Variants in SORCS3 observed in about 807,000 individuals in gnomAD.
SORCS3 encodes sortilin related VPS10 domain containing receptor 3.
SORCS3 carries 57 observed loss-of-function variants against 146.3 expected under a neutral mutation model. That is an observed-to-expected ratio of 0.39 (90% CI 0.31 to 0.49). The LOEUF is 0.49. Ranked by LOEUF, SORCS3 falls within the 20% of genes least tolerant of loss-of-function variation. SORCS3 has a pLI of 0.92. For missense variants in SORCS3, 1,341 were observed against 1,575.5 expected (o/e 0.85, Z 2.52); for synonymous variants, 653 against 618.5 (o/e 1.06, Z -0.83).
Position 105,252,858 on chromosome 10 carries a change from C to A in SORCS3, c.3189C>A (p.Pro1063=). ...CAGCAGAGCTTTTCATTCTTCCACC[C>A]AAGAACCTGACAGAGAGGAGGAAAG... ...PTSAELFILP[P]KNLTERRKGN... The change falls in exon 23 of 27, where the codon CCC becomes CCA. Residue 1063 remains proline, a synonymous_variant. Coordinates refer to ENST00000369701, the MANE Select transcript of SORCS3 (RefSeq NM_014978.3). 1 of 1,613,996 alleles carries A rather than the reference C, an allele frequency of 6.2e-7. No individual in the cohort carries two copies. The highest frequency in any genetic ancestry group is 8.5e-7 in the Non-Finnish European group (1 of 1,179,960).
At chr10:105,248,013 C>T (rs142061994) in intron 22 of SORCS3, among the ~76,000 whole-genome samples, 7 of 152,150 alleles carry the variant, frequency 4.6e-5, no homozygotes, top group East Asian at 1.9e-4. Flanking sequence ...ACAAGACTAC[C>T]GTTGGCCACA....
At chr10:104,906,295 T>C (rs2018904737) in intron 2 of SORCS3, among the ~76,000 whole-genome samples, 1 of 152,218 alleles carries the variant, frequency 6.6e-6, no homozygotes, top group Non-Finnish European at 1.5e-5. Context: ...GTTGGCCACC[T>C]GCTGGAGGCT....
chr10:104,995,465 G>A (rs2055021363), intron 4 of SORCS3, among the ~76,000 whole-genome samples: 1 of 152,068 alleles, frequency 6.6e-6, no homozygotes, highest in Non-Finnish European at 1.5e-5. Flanking sequence ...GCTAATTTTA[G>A]CTTTTCTAGT....
chr10:105,238,569 T>C (rs186828848), intron 20 of SORCS3, among the ~76,000 whole-genome samples: 2 of 152,250 alleles, frequency 1.3e-5, no homozygotes, highest in African/African-American at 2.4e-5. Context: ...AAGGATTCAT[T>C]TGGGCAGAAG....
chr10:105,243,436 A>G (rs967199548), intron 20 of SORCS3, among the ~76,000 whole-genome samples: 9 of 152,180 alleles, frequency 5.9e-5, no homozygotes, highest in African/African-American at 2.2e-4. Flanking sequence ...CCCTTATTCC[A>G]TGGCCCTGAG....
intron 3 of SORCS3, among the ~76,000 whole-genome samples, chr10:104,959,916 C>A (rs1447040923): frequency 6.6e-6 from 1 of 152,152 alleles, no homozygotes; most frequent in South Asian, 2.1e-4. Context: ...CTTGTCCTTT[C>A]CTCAGTACAG....
At chr10:104,980,385 C>T (rs2054925401) in intron 4 of SORCS3, among the ~76,000 whole-genome samples, 1 of 152,168 alleles carries the variant, frequency 6.6e-6, no homozygotes, top group South Asian at 2.1e-4. Flanking sequence ...AACACCTAGC[C>T]CCAGTCATCC....
At chr10:104,822,898 T>C (rs890135195) in intron 1 of SORCS3, among the ~76,000 whole-genome samples, 2 of 152,188 alleles carry the variant, frequency 1.3e-5, no homozygotes, top group Non-Finnish European at 2.9e-5. Flanking sequence ...GAGGTGGCTC[T>C]TTATCTCTTA....
intron 1 of SORCS3, among the ~76,000 whole-genome samples, chr10:104,696,504 A>C (rs867313287): frequency 1.1e-5 from 1 of 92,678 alleles, no homozygotes; most frequent in African/African-American, 5.0e-5. Flanking sequence ...AATATATATA[A>C]TATATAATAT....
intron 20 of SORCS3, among the ~76,000 whole-genome samples, chr10:105,245,276 G>A: frequency 6.6e-6 from 1 of 152,080 alleles, no homozygotes; most frequent in Middle Eastern, 3.2e-3. Flanking sequence ...TTTGCCCCAG[G>A]AGAAGGAGCA....
At chr10:105,093,847 C>T (rs2055727273) in intron 6 of SORCS3, among the ~76,000 whole-genome samples, 1 of 152,098 alleles carries the variant, frequency 6.6e-6, no homozygotes, top group African/African-American at 2.4e-5. Flanking sequence ...TAAAGTTATA[C>T]ACATCTTATA....
intron 3 of SORCS3, among the ~76,000 whole-genome samples, chr10:104,968,853 T>G (rs1415730425): frequency 6.6e-6 from 1 of 152,250 alleles, no homozygotes; most frequent in African/African-American, 2.4e-5. Context: ...ATATTTAATT[T>G]GGGCACAATG....
chr10:105,022,049 A>G (rs1476357924), intron 4 of SORCS3, among the ~76,000 whole-genome samples: 1 of 152,190 alleles, frequency 6.6e-6, no homozygotes, highest in Non-Finnish European at 1.5e-5. Flanking sequence ...GTGGGGAAAG[A>G]GGGATAAATA....
At chr10:105,014,028 A>G (rs2055150104) in intron 4 of SORCS3, among the ~76,000 whole-genome samples, 1 of 150,654 alleles carries the variant, frequency 6.6e-6, no homozygotes, top group South Asian at 2.1e-4. Context: ...AAAATTGACA[A>G]ATGGTACAGA....
intron 20 of SORCS3, among the ~76,000 whole-genome samples, chr10:105,242,625 T>G (rs375368679): frequency 8.1e-5 from 8 of 99,130 alleles, no homozygotes; most frequent in Admixed American, 1.5e-4. Flanking sequence ...TATTTATATA[T>G]ATTTATATAC....
chr10:104,889,649 C>T (rs927761943), intron 2 of SORCS3, among the ~76,000 whole-genome samples: 2 of 151,974 alleles, frequency 1.3e-5, no homozygotes, highest in Non-Finnish European at 2.9e-5. Flanking sequence ...TCCTTCCAGC[C>T]CTTGGACAAT....
At chr10:105,148,449 T>A (rs973249289) in intron 9 of SORCS3, among the ~76,000 whole-genome samples, 1 of 152,124 alleles carries the variant, frequency 6.6e-6, no homozygotes, top group South Asian at 2.1e-4. Flanking sequence ...AAGAAACTAT[T>A]TTCAGTGACC....
chr10:104,863,324 C>T lies in SORCS3; in HGVS notation c.695+20465C>T, dbSNP rs149702746. Among the ~76,000 whole-genome samples the T allele has an allele frequency of 3.3e-5, 5 of 152,322 alleles. No homozygotes were observed. In the South Asian group the frequency reaches 6.2e-4, roughly 19 times the overall value. ...AGCTGTTCTAGCCAGGCTACTGCCT[C>T]GCTTTCAAACATCCCTGCCTTTACT... is the stretch of plus-strand genomic sequence containing the variant. On this transcript the variant is annotated intron_variant, in intron 2 of 26. Transcript: ENST00000369701.
intron 2 of SORCS3, among the ~76,000 whole-genome samples, chr10:104,905,236 T>C (rs559829314): frequency 2.8e-4 from 42 of 152,208 alleles, no homozygotes; most frequent in African/African-American, 9.9e-4. Context: ...ATAAATGAAG[T>C]TTTAGGTTTC....
Sources: gnomAD v4.1 joint callset for allele counts (sites outside exome capture counted in the v4.1 genomes callset) on GRCh38, gnomAD v4.1.1 for gene constraint, MANE v1.5 for transcripts, NCBI Gene and HGNC (gene_info 2026-07-23, HGNC 2026-07-21) for gene names.